CNNM2: variants seen among roughly 807,000 people sequenced by gnomAD.
The protein encoded by CNNM2 is metal transporter CNNM2.
A neutral mutation model predicts 66.9 loss-of-function variants in CNNM2; 12 were observed. The ratio of observed to expected loss-of-function variants is 0.18; its 90% CI spans 0.11 to 0.29. CNNM2 has a LOEUF of 0.29. Among genes scored for constraint, CNNM2 ranks in the 10% least tolerant of loss-of-function variants. CNNM2 has a pLI of 1.00. For synonymous variants in CNNM2, 557 were observed against 501.8 expected, an observed-to-expected ratio of 1.11 and a Z score of -1.47; for missense variants, 705 against 1,167.7, an observed-to-expected ratio of 0.60 and a Z score of 5.77.
Position 103,089,530 on chromosome 10 carries a change from TA to T in CNNM2, c.*12354del, listed in dbSNP as rs1161232638. Reference sequence around the variant, plus strand: ...AAACCAAAACAAGTATCTATGATAATAAAATCTTCAGAAACTTTTCAGACGT... The same window carrying T: ...AAACCAAAACAAGTATCTATGATAATAAATCTTCAGAAACTTTTCAGACGT... On this transcript the variant is annotated 3_prime_UTR_variant, in exon 8 of 8. Coordinates refer to ENST00000369878, the MANE Select transcript of CNNM2 (RefSeq NM_017649.5). 7.2e-7 allele frequency: 1 copy of T among 1,394,300 alleles called. No individual in the cohort carries two copies. Among genetic ancestry groups the T allele is most frequent in the Non-Finnish European group, 9.4e-7 (1 of 1,062,184 alleles). 86.4% of individuals were successfully genotyped at this position (1,394,300 alleles called of 1,614,324 possible). A position where few individuals can be genotyped will look rare whatever the true frequency, so the allele number is the denominator to read the frequency against.
At chr10:103,036,604 C>G (rs1394922248) in intron 1 of CNNM2, among the ~76,000 whole-genome samples, 1 of 152,202 alleles carries the variant, frequency 6.6e-6, no homozygotes, top group Non-Finnish European at 1.5e-5. Context: ...CTCTGCTACT[C>G]TCTCCAAAAA....
rs34870588 is a variant in CNNM2 at position 102,950,981 on chromosome 10, CTTTTTTTTTTTT to C, written c.1621+30893_1621+30904del. 9.9e-4 allele frequency among the ~76,000 whole-genome samples: 80 copies of C among 80,518 alleles called. 1 individual carries two copies. In the East Asian group the frequency reaches 0.028, roughly 28 times the overall value. 52.8% of individuals were successfully genotyped at this position (80,518 alleles called of 152,430 possible). ...GGGGCAATAGGAATTCTTTCTTTCTCTTTTTTTTTTTTTTTTTTTTTTTTGAGATGGAGTCTC... is the reference window on the plus strand; with the variant it reads ...GGGGCAATAGGAATTCTTTCTTTCTCTTTTTTTTTTTTGAGATGGAGTCTC... On this transcript the variant is annotated intron_variant, in intron 1 of 7. Transcript: ENST00000369878.
At chr10:103,006,350 G>C (rs2064227336) in intron 1 of CNNM2, among the ~76,000 whole-genome samples, 1 of 151,906 alleles carries the variant, frequency 6.6e-6, no homozygotes, top group South Asian at 2.1e-4. Context: ...GGGATTATAG[G>C]CACCTGCTGC....
In CNNM2 at chr10:103,031,837, G is replaced by T. The variant is rs922828857; in HGVS notation, c.1622-17870G>T. Among the ~76,000 whole-genome samples the T allele has an allele frequency of 3.7e-5, 3 of 82,084 alleles. No individual in the cohort carries two copies. In the Admixed American group the frequency reaches 4.3e-4, roughly 12 times the overall value. The allele number at this position is 82,084 out of a possible 152,430, so 53.9% of individuals were successfully genotyped here. A position where few individuals can be genotyped will look rare whatever the true frequency, so the allele number is the denominator to read the frequency against. On this transcript the variant is annotated intron_variant, in intron 1 of 7. Transcript: ENST00000369878. Reference sequence around the variant, plus strand: ...AGAACTGTCTGCTTAAGTACAAAATGCGGGGGGGGCGTGAGGGGATTTATC... The same window carrying T: ...AGAACTGTCTGCTTAAGTACAAAATTCGGGGGGGGCGTGAGGGGATTTATC...
intron 1 of CNNM2, among the ~76,000 whole-genome samples, chr10:102,981,918 T>A (rs918761856): frequency 4.6e-5 from 7 of 151,928 alleles, no homozygotes; most frequent in Non-Finnish European, 1.0e-4. Flanking sequence ...TCTTCTTCAT[T>A]TGTTTCATCT....
intron 1 of CNNM2, among the ~76,000 whole-genome samples, chr10:102,921,287 T>G (rs950122956): frequency 8.5e-5 from 13 of 152,206 alleles, no homozygotes; most frequent in African/African-American, 2.4e-4. Context: ...AAACCAAGTT[T>G]CCCTTCTTCA....
In CNNM2 at chr10:103,054,304, T is replaced by C. The variant is rs938139347; in HGVS notation, c.1766-25T>C. On this transcript the variant is annotated intron_variant, in intron 2 of 7. Transcript: ENST00000369878. The surrounding 1 kb of genome is among the most constrained non-coding windows in gnomAD (Gnocchi z 5.2). ...TCTCATGGGATGCATTTCTTTTTTT[T>C]TCTCTCTTTTAATTCCTCCCTTAGC... 5.6e-5 allele frequency: 90 copies of C among 1,609,146 alleles called. No homozygotes were observed. Among genetic ancestry groups the C allele is most frequent in the South Asian group, 1.6e-4 (14 of 90,284 alleles).
rs943037 is a variant in CNNM2 at position 103,076,162 on chromosome 10, C to T, written c.2310C>T (p.Ala770=). Residue 770 remains alanine (A), a synonymous_variant, in exon 7 of 8, where the codon GCC becomes GCT. Transcript: ENST00000369878. Reference sequence around the variant, plus strand: ...TCAGTCGAAGCGACCGGATTGACGCCGTCACACCAACACTGGGGAGCAGCA... The same window carrying T: ...TCAGTCGAAGCGACCGGATTGACGCTGTCACACCAACACTGGGGAGCAGCA... ...DSLSRSDRID[A]VTPTLGSSNN... The T allele has an allele frequency of 0.094, 150,802 of 1,606,540 alleles. 9,205 individuals are homozygous for T. The highest frequency in any genetic ancestry group is 0.26 in the East Asian group (11,735 of 44,568).
At chr10:102,965,734 T>G (rs187671867) in intron 1 of CNNM2, among the ~76,000 whole-genome samples, 29 of 152,338 alleles carry the variant, frequency 1.9e-4, no homozygotes, top group Middle Eastern at 6.8e-3. Context: ...ATTGTGATTT[T>G]AAAAATAAAT....
At chr10:103,053,793 A>G (rs761164648) in intron 2 of CNNM2, among the ~76,000 whole-genome samples, 36 of 152,178 alleles carry the variant, frequency 2.4e-4, no homozygotes, top group Admixed American at 7.2e-4. Context: ...TGAAGCAAAC[A>G]TATTATTAAA....
chr10:103,055,525 C>T (rs1460808096), intron 3 of CNNM2, among the ~76,000 whole-genome samples: 2 of 152,224 alleles, frequency 1.3e-5, no homozygotes, highest in East Asian at 1.9e-4. Flanking sequence ...CATGAGCACA[C>T]GTGCCTGGGC....
chr10:102,951,154 A>G (rs1846815935), intron 1 of CNNM2, among the ~76,000 whole-genome samples: 1 of 151,350 alleles, frequency 6.6e-6, no homozygotes, highest in South Asian at 2.1e-4. Context: ...TAGCTGGCTA[A>G]TTTTTGTATT....
At chr10:102,932,172 G>A (rs886165583) in intron 1 of CNNM2, among the ~76,000 whole-genome samples, 1 of 150,938 alleles carries the variant, frequency 6.6e-6, no homozygotes, top group Non-Finnish European at 1.5e-5. Context: ...GCAGAAAAAG[G>A]TTTTAATTTT....
At chr10:103,068,814 A>G (rs2065523906) in intron 5 of CNNM2, 92 bp downstream of exon 5, 7 of 991,500 alleles carry the variant, frequency 7.1e-6, no homozygotes, top group Non-Finnish European at 8.9e-6. Flanking sequence ...CTGCCAGCTG[A>G]CCCCATTCAC....
chr10:102,980,841 T>C (rs2063708349), intron 1 of CNNM2, among the ~76,000 whole-genome samples: 1 of 152,234 alleles, frequency 6.6e-6, no homozygotes, highest in South Asian at 2.1e-4. Context: ...CATGCTTTTT[T>C]TTCTTCCCTG....
chr10:103,049,903 G>A, intron 2 of CNNM2, 53 bp downstream of exon 2: 1 of 1,581,046 alleles, frequency 6.3e-7, no homozygotes, highest in East Asian at 2.2e-5. Context: ...TTTTTGTTGT[G>A]CTGTTTGTGA....
At chr10:103,059,347 G>C (rs905843134) in intron 4 of CNNM2, among the ~76,000 whole-genome samples, 1 of 152,176 alleles carries the variant, frequency 6.6e-6, no homozygotes, top group African/African-American at 2.4e-5. Flanking sequence ...CTCAGTGCCA[G>C]TGAGATGCTC....
At chr10:102,965,604 G>A (rs932416978) in intron 1 of CNNM2, among the ~76,000 whole-genome samples, 3 of 152,118 alleles carry the variant, frequency 2.0e-5, no homozygotes, top group African/African-American at 7.2e-5. Flanking sequence ...CTGCTTTACT[G>A]TTTTCATGCT....
Position 103,077,601 on chromosome 10 carries a change from ATGATGTGACCC to A in CNNM2, c.*427_*437del, listed in dbSNP as rs1203864123. ...TCTGTCTGAACTCTGCTGTGATCCC[ATGATGTGACCC>A]TGATGGGCTGGACTTGCCCCTCCGG... On this transcript the variant is annotated 3_prime_UTR_variant, in exon 8 of 8. Transcript: ENST00000369878. The A allele has an allele frequency of 5.7e-6, 1 of 174,826 alleles. No individual in the cohort carries two copies. Among genetic ancestry groups the A allele is most frequent in the Non-Finnish European group, 1.2e-5 (1 of 81,458 alleles). The allele number at this position is 174,826 out of a possible 1,614,324, so 10.8% of individuals were successfully genotyped here.
Sources: gnomAD v4.1 joint callset for allele counts (sites outside exome capture counted in the v4.1 genomes callset) on GRCh38, gnomAD v4.1.1 for gene constraint, Gnocchi (gnomAD v3.1) non-coding constraint, MANE v1.5 for transcripts, NCBI Gene and HGNC (gene_info 2026-07-23, HGNC 2026-07-21) for gene names.